The following FNDC3A variants were observed in gnomAD, a reference collection of about 807,000 sequenced individuals.
FNDC3A encodes the protein fibronectin type III domain containing 3A.
A neutral mutation model predicts 148.9 loss-of-function variants in FNDC3A; 32 were observed. The observed-to-expected ratio is 0.21, with a 90% CI of 0.16 to 0.29. The LOEUF is 0.29. Among genes scored for constraint, FNDC3A ranks in the 10% least tolerant of loss-of-function variants. FNDC3A has a pLI of 1.00. For synonymous variants in FNDC3A, 472 were observed against 473.6 expected (o/e 1.00, Z 0.04); for missense variants, 1,191 against 1,452.8 (o/e 0.82, Z 2.93).
At position 49,188,533 on chromosome 13, in the gene FNDC3A, T is replaced by G; in HGVS notation, c.1844T>G (p.Ile615Arg). Reference sequence around the variant, plus strand: ...CTTACAGGAAACAAATGGGAAATGATATACAGTGGTGCTACCAGGGAACAT... The same window carrying G: ...CTTACAGGAAACAAATGGGAAATGAGATACAGTGGTGCTACCAGGGAACAT... ...EGSNGNKWEMIYSGATREHLC... is the reference protein window; with the variant it reads ...EGSNGNKWEMRYSGATREHLC... Residue 615 changes from isoleucine to arginine, a missense_variant, in exon 17 of 26, where the codon ATA (isoleucine) becomes AGA (arginine). Ile to Arg is a moderately conservative substitution (Grantham distance 97). This residue lies in a region of FNDC3A where 751 missense variants were observed against 944.0 expected (regional missense o/e 0.80). Transcript: ENST00000492622. The G allele has an allele frequency of 6.2e-7, 1 of 1,612,378 alleles. No homozygotes were observed. The highest frequency in any genetic ancestry group is 8.5e-7 in the Non-Finnish European group (1 of 1,178,380).
At chr13:49,204,967 C>A (rs1036950277) in intron 25 of FNDC3A, among the ~76,000 whole-genome samples, 1 of 151,728 alleles carries the variant, frequency 6.6e-6, no homozygotes, top group Admixed American at 6.6e-5. Context: ...TTTTTTTTTC[C>A]TATCAACTCT....
chr13:49,063,874 TAAAAATG>T (rs1877069962), intron 2 of FNDC3A, among the ~76,000 whole-genome samples: 1 of 152,186 alleles, frequency 6.6e-6, no homozygotes, highest in Admixed American at 6.5e-5. Context: ...TTCTTCTACT[TAAAAATG>T]TAAAACTCTA....
At chr13:49,181,991 G>C (rs7317908) in intron 14 of FNDC3A, among the ~76,000 whole-genome samples, 87,822 of 151,726 alleles carry the variant, frequency 0.58, 27,069 homozygotes, top group Non-Finnish European at 0.68. Flanking sequence ...TTATTTATTT[G>C]TTTATTTTGA....
chr13:49,053,073 G>C (rs1369186708), intron 2 of FNDC3A, among the ~76,000 whole-genome samples: 1 of 152,194 alleles, frequency 6.6e-6, no homozygotes, highest in Admixed American at 6.5e-5. Context: ...CATTCCAACT[G>C]TAACTCCCCA....
intron 2 of FNDC3A, among the ~76,000 whole-genome samples, chr13:49,072,029 C>G (rs1877730158): frequency 6.6e-6 from 1 of 151,974 alleles, no homozygotes; most frequent in Non-Finnish European, 1.5e-5. Context: ...TTGACATAAT[C>G]CCATTTTATT....
rs536429769 is a variant in FNDC3A, at chr13:49,155,146, C to T, written c.977+9211C>T. Among the ~76,000 whole-genome samples the T allele has an allele frequency of 9.4e-3, 1,420 of 150,458 alleles. 14 individuals carry two copies. The highest frequency in any genetic ancestry group is 0.023 in the African/African-American group (924 of 40,848). On this transcript the variant is annotated intron_variant, in intron 8 of 25. Transcript: ENST00000492622. ...GAATTCGGCTGTGAATCCATCTGGT[C>T]CTGGACTCTTTTTGGTTGGTAAACT...
intron 14 of FNDC3A, among the ~76,000 whole-genome samples, chr13:49,179,837 T>C (rs1434117540): frequency 6.6e-6 from 1 of 152,194 alleles, no homozygotes; most frequent in Non-Finnish European, 1.5e-5. Flanking sequence ...TCTTCAACTC[T>C]GGAATTGGCC....
chr13:49,001,540 G>A lies in FNDC3A; in HGVS notation c.-39-4612G>A, dbSNP rs577197984. 3.9e-5 allele frequency among the ~76,000 whole-genome samples: 6 copies of A among 152,318 alleles called. 1 individual carries two copies. The South Asian group carries it at 1.2e-3, about 32-fold the overall frequency. On this transcript the variant is annotated intron_variant, in intron 1 of 25. Coordinates refer to ENST00000492622, the MANE Select transcript of FNDC3A (RefSeq NM_001079673.2). ...TTTCTCTTCTTTCAAAAGCAAATGG[G>A]AGAAACATCACTGAATTCTTTTTCT... is the stretch of plus-strand genomic sequence containing the variant.
intron 14 of FNDC3A, among the ~76,000 whole-genome samples, chr13:49,182,448 C>T (rs1593718276): frequency 6.6e-6 from 1 of 152,154 alleles, no homozygotes; most frequent in Non-Finnish European, 1.5e-5. Flanking sequence ...CCTTCAGAGC[C>T]GAGTGGCCAG....
At chr13:49,195,753 T>C (rs917945743) in intron 19 of FNDC3A, among the ~76,000 whole-genome samples, 1 of 152,032 alleles carries the variant, frequency 6.6e-6, no homozygotes, top group Admixed American at 6.6e-5. Context: ...TTCTGAGAAG[T>C]TGAGTTTCTT....
intron 16 of FNDC3A, chr13:49,187,413 C>G: frequency 9.9e-7 from 1 of 1,013,956 alleles, no homozygotes; most frequent in Non-Finnish European, 1.5e-6. Context: ...CAAGTTTGAT[C>G]CACTTCCAGA....
At chr13:49,182,032 A>T (rs1885332793) in intron 14 of FNDC3A, among the ~76,000 whole-genome samples, 1 of 152,186 alleles carries the variant, frequency 6.6e-6, no homozygotes, top group South Asian at 2.1e-4. Context: ...CCCAGGCTGG[A>T]GTGCATTGGC....
At chr13:49,165,316 G>A (rs562153235) in intron 8 of FNDC3A, among the ~76,000 whole-genome samples, 44 of 152,268 alleles carry the variant, frequency 2.9e-4, no homozygotes, top group Non-Finnish European at 4.3e-4. Flanking sequence ...TTTTGAGGTT[G>A]CTTTCATAGG....
chr13:49,038,761 C>T (rs183173622), intron 2 of FNDC3A, among the ~76,000 whole-genome samples: 12 of 152,234 alleles, frequency 7.9e-5, no homozygotes, highest in African/African-American at 2.6e-4. Flanking sequence ...TGTTCTCAGA[C>T]CTAACAATGT....
chr13:49,007,281 A>G (rs1952239551), intron 2 of FNDC3A, among the ~76,000 whole-genome samples: 1 of 152,032 alleles, frequency 6.6e-6, no homozygotes, highest in Non-Finnish European at 1.5e-5. Flanking sequence ...TGGGTTCTAA[A>G]TTTTTCTGTT....
rs1460346516 is a variant in FNDC3A at position 49,106,236 on chromosome 13, A to T, written c.176-8419A>T. Among the ~76,000 whole-genome samples, 3 of 152,190 alleles carry T rather than the reference A, an allele frequency of 2.0e-5. No homozygotes were observed. The East Asian group carries it at 5.8e-4, about 29-fold the overall frequency. ...CATTGAAACCTAAACTGATGTCTGT[A>T]TTTTAAATTGCAGTATTCAATCTTC... On this transcript the variant is annotated intron_variant, in intron 3 of 25. Coordinates refer to ENST00000492622, the MANE Select transcript of FNDC3A (RefSeq NM_001079673.2).
intron 1 of FNDC3A, among the ~76,000 whole-genome samples, chr13:49,002,623 A>G (rs1454170578): frequency 6.6e-6 from 1 of 152,102 alleles, no homozygotes; most frequent in Non-Finnish European, 1.5e-5. Flanking sequence ...TTCCTTGTCA[A>G]AGGGAACCAC....
At chr13:49,138,480 G>A (rs543593626) in intron 6 of FNDC3A, among the ~76,000 whole-genome samples, 1 of 151,946 alleles carries the variant, frequency 6.6e-6, no homozygotes, top group African/African-American at 2.4e-5. Flanking sequence ...GAAAAATTTG[G>A]TTCAGATAGA....
chr13:49,086,194 C>A (rs1193834434), intron 3 of FNDC3A, among the ~76,000 whole-genome samples: 7 of 152,180 alleles, frequency 4.6e-5, no homozygotes, highest in Non-Finnish European at 1.0e-4. Flanking sequence ...TCCCATCTAT[C>A]TTTGTAGGTG....
Sources: allele counts gnomAD v4.1 joint callset (sites outside exome capture counted in the v4.1 genomes callset), GRCh38; gene constraint gnomAD v4.1.1; regional missense constraint gnomAD v4.1.1; transcripts MANE v1.5; gene names NCBI Gene and HGNC (gene_info 2026-07-23, HGNC 2026-07-21).